The following NRXN3 variants were observed in gnomAD, a reference collection of about 807,000 sequenced individuals.
The protein encoded by NRXN3 is neurexin 3.
A neutral mutation model predicts 137.6 loss-of-function variants in NRXN3; 32 were observed. The ratio of observed to expected loss-of-function variants is 0.23; its 90% CI spans 0.18 to 0.31. The LOEUF (loss-of-function observed/expected upper bound fraction) is 0.31. NRXN3 is among the 10% of genes least tolerant of loss of function. The probability of loss-of-function intolerance (pLI) is 1.00; values close to 1 mark genes in which losing one functional copy is unlikely to be tolerated. For synonymous variants in NRXN3, 798 were observed against 784.5 expected (o/e 1.02, Z -0.29); for missense variants, 1,574 against 2,062.5 (o/e 0.76, Z 4.59).
chr14:79,818,886 T>C (rs1481335329), intron 20 of NRXN3, among the ~76,000 whole-genome samples: 2 of 152,232 alleles, frequency 1.3e-5, no homozygotes, highest in Non-Finnish European at 2.9e-5. Context: ...CACAAACATC[T>C]GAGGATTCCA....
intron 15 of NRXN3, among the ~76,000 whole-genome samples, chr14:79,443,848 G>A (rs967853466): frequency 1.3e-5 from 2 of 152,182 alleles, no homozygotes; most frequent in African/African-American, 2.4e-5. Flanking sequence ...TCCACTGGCA[G>A]CAAATTCCTT....
At chr14:79,376,586 G>A (rs1404962582) in intron 15 of NRXN3, among the ~76,000 whole-genome samples, 1 of 152,098 alleles carries the variant, frequency 6.6e-6, no homozygotes, top group African/African-American at 2.4e-5. Context: ...CATAGATGAT[G>A]TCATTGATGA....
intron 20 of NRXN3, among the ~76,000 whole-genome samples, chr14:79,809,730 T>C (rs767267308): frequency 5.9e-5 from 9 of 152,368 alleles, no homozygotes; most frequent in African/African-American, 2.2e-4. Flanking sequence ...TCTAATACTT[T>C]AGATTCGTTC....
At chr14:79,041,810 G>T (rs1416480058) in intron 15 of NRXN3, among the ~76,000 whole-genome samples, 1 of 152,116 alleles carries the variant, frequency 6.6e-6, no homozygotes, top group East Asian at 1.9e-4. Context: ...CTAATACAAA[G>T]ATTTATATAA....
chr14:78,908,756 A>G (rs150470410), intron 10 of NRXN3, among the ~76,000 whole-genome samples: 5 of 152,238 alleles, frequency 3.3e-5, no homozygotes, highest in Admixed American at 6.6e-5. Context: ...TTAAAATTGC[A>G]GCAAGAACAA....
At position 79,091,790 on chromosome 14, in the gene NRXN3, T is replaced by A. The variant is rs115199950; in HGVS notation, c.3262+103649T>A. On this transcript the variant is annotated intron_variant, in intron 15 of 20. Transcript: ENST00000335750. ...CATTCTGAAGTAAGGTGGCACCATT[T>A]ACCAAGTAGGAACAAAAGTGAATGA... 6.1e-3 allele frequency among the ~76,000 whole-genome samples: 933 copies of A among 152,196 alleles called. 9 individuals are homozygous for A. The highest frequency in any genetic ancestry group is 0.021 in the African/African-American group (886 of 41,534).
intron 4 of NRXN3, among the ~76,000 whole-genome samples, chr14:78,387,361 A>G (rs2090123273): frequency 6.6e-6 from 1 of 152,180 alleles, no homozygotes; most frequent in African/African-American, 2.4e-5. Context: ...GGTCTTGAAT[A>G]TCAAAGAAAA....
intron 1 of NRXN3, among the ~76,000 whole-genome samples, chr14:78,182,712 C>T (rs2059917727): frequency 6.6e-6 from 1 of 152,140 alleles, no homozygotes; most frequent in African/African-American, 2.4e-5. Flanking sequence ...CTCAGATGAT[C>T]CACCTGCCTC....
At chr14:78,660,406 A>G (rs1395266738) in intron 6 of NRXN3, among the ~76,000 whole-genome samples, 3 of 152,030 alleles carry the variant, frequency 2.0e-5, no homozygotes, top group Non-Finnish European at 4.4e-5. Flanking sequence ...TGTGATCCCT[A>G]AATCAATTAG....
At chr14:78,750,864 C>G (rs907291095) in intron 8 of NRXN3, among the ~76,000 whole-genome samples, 1 of 152,066 alleles carries the variant, frequency 6.6e-6, no homozygotes, top group African/African-American at 2.4e-5. Flanking sequence ...ATTGGCCCTT[C>G]CTTTAGTTTC....
At chr14:79,202,880 G>T (rs1054856631) in intron 15 of NRXN3, among the ~76,000 whole-genome samples, 1 of 152,038 alleles carries the variant, frequency 6.6e-6, no homozygotes, top group South Asian at 2.1e-4. Context: ...GACTTCTTTT[G>T]CTCCGGGTAG....
At chr14:78,303,040 G>A (rs534336163) in intron 4 of NRXN3, among the ~76,000 whole-genome samples, 18 of 152,266 alleles carry the variant, frequency 1.2e-4, no homozygotes, top group African/African-American at 4.1e-4. Flanking sequence ...CCCTTTCAAA[G>A]CCTTCCCTTA....
chr14:79,046,669 G>T (rs534923455), intron 15 of NRXN3, among the ~76,000 whole-genome samples: 1 of 152,220 alleles, frequency 6.6e-6, no homozygotes, highest in Non-Finnish European at 1.5e-5. Context: ...TTGATTCTAT[G>T]ACCTAGCTCA....
intron 1 of NRXN3, among the ~76,000 whole-genome samples, chr14:78,183,132 C>T (rs72681729): frequency 0.12 from 17,853 of 152,156 alleles, 1,296 homozygotes; most frequent in East Asian, 0.18. Context: ...TAGGGCATGC[C>T]GGCCCCTCTG....
chr14:78,312,366 C>G (rs1458755201), intron 4 of NRXN3, among the ~76,000 whole-genome samples: 1 of 152,134 alleles, frequency 6.6e-6, no homozygotes, highest in East Asian at 1.9e-4. Flanking sequence ...CACCAGTTGA[C>G]TTTTAAAAAG....
chr14:79,389,178 A>G (rs1367797442), intron 15 of NRXN3, among the ~76,000 whole-genome samples: 4 of 152,344 alleles, frequency 2.6e-5, no homozygotes, highest in East Asian at 1.9e-4. Context: ...CTGTGCTGCT[A>G]TAACAGAATA....
intron 15 of NRXN3, among the ~76,000 whole-genome samples, chr14:79,327,082 C>T (rs1316361100): frequency 6.6e-6 from 1 of 152,136 alleles, no homozygotes; most frequent in Admixed American, 6.5e-5. Context: ...TCCCTCGCTC[C>T]CTTCTTTCTT....
At chr14:79,143,479 C>A (rs1452285106) in intron 15 of NRXN3, among the ~76,000 whole-genome samples, 2 of 152,176 alleles carry the variant, frequency 1.3e-5, no homozygotes. Context: ...GGGAACTGTC[C>A]CAGATTTCAT....
chr14:78,426,536 C>T (rs2093672437), intron 4 of NRXN3, among the ~76,000 whole-genome samples: 1 of 152,152 alleles, frequency 6.6e-6, no homozygotes, highest in South Asian at 2.1e-4. Context: ...ATAAGGTAAC[C>T]AAGATTTGAA....
Sources: allele counts gnomAD v4.1 joint callset (sites outside exome capture counted in the v4.1 genomes callset), GRCh38; gene constraint gnomAD v4.1.1; transcripts MANE v1.5; gene names NCBI Gene and HGNC (gene_info 2026-07-23, HGNC 2026-07-21).